Variants in XKR4 observed in about 807,000 individuals in gnomAD.
XKR4 encodes XK related 4, also known as XK-related protein 4.
A neutral mutation model predicts 53.9 loss-of-function variants in XKR4; 12 were observed. The observed-to-expected ratio is 0.22, with a 90% CI of 0.14 to 0.36. XKR4 has a LOEUF of 0.36. XKR4 is among the 10% of genes least tolerant of loss of function. The pLI is 1.00. For synonymous variants in XKR4, 354 were observed against 362.4 expected, an observed-to-expected ratio of 0.98 and a Z score of 0.26; for missense variants, 799 against 859.5, an observed-to-expected ratio of 0.93 and a Z score of 0.88.
intron 2 of XKR4, among the ~76,000 whole-genome samples, chr8:55,474,099 C>T (rs755426665): frequency 3.3e-5 from 5 of 151,990 alleles, no homozygotes; most frequent in Admixed American, 6.6e-5. Context: ...TTTATAGAGA[C>T]GTGGTCTCGC....
intron 1 of XKR4, among the ~76,000 whole-genome samples, chr8:55,317,320 A>T (rs1819492223): frequency 6.6e-6 from 1 of 152,168 alleles, no homozygotes; most frequent in Admixed American, 6.5e-5. Context: ...GAAATGATTG[A>T]TCACAGGTAA....
At chr8:55,445,916 T>G (rs1433268495) in intron 2 of XKR4, among the ~76,000 whole-genome samples, 1 of 152,240 alleles carries the variant, frequency 6.6e-6, no homozygotes, top group Non-Finnish European at 1.5e-5. Context: ...GCCAGCTGCA[T>G]AAGCCAAATC....
At chr8:55,257,447 T>TGA (rs376840800) in intron 1 of XKR4, among the ~76,000 whole-genome samples, 16 of 141,912 alleles carry the variant, frequency 1.1e-4, no homozygotes, top group Admixed American at 3.5e-4. Context: ...GGGGAGAAAA[T>TGA]GAGAGAGAGA....
intron 1 of XKR4, among the ~76,000 whole-genome samples, chr8:55,138,286 C>G (rs1439534358): frequency 2.6e-5 from 4 of 152,074 alleles, no homozygotes; most frequent in African/African-American, 9.7e-5. Flanking sequence ...CAATGGAGGC[C>G]ACAAGGCTTT....
chr8:55,185,508 A>G (rs1159677612), intron 1 of XKR4, among the ~76,000 whole-genome samples: 2 of 152,198 alleles, frequency 1.3e-5, no homozygotes, highest in African/African-American at 4.8e-5. Context: ...ACAATCCAGG[A>G]GCTAATAAAA....
chr8:55,192,211 TTAA>T (rs1817451256), intron 1 of XKR4, among the ~76,000 whole-genome samples: 6 of 143,694 alleles, frequency 4.2e-5, no homozygotes, highest in South Asian at 2.5e-4. Context: ...GTTAAGGGAC[TTAA>T]TACAATTCTT....
chr8:55,481,045 C>T (rs1806093881), intron 2 of XKR4, among the ~76,000 whole-genome samples: 4 of 152,202 alleles, frequency 2.6e-5, no homozygotes, highest in Admixed American at 2.6e-4. Context: ...TTGGAAAAAA[C>T]TACTTTCAAG....
At chr8:55,380,595 A>G (rs1804217119) in intron 2 of XKR4, among the ~76,000 whole-genome samples, 1 of 152,208 alleles carries the variant, frequency 6.6e-6, no homozygotes, top group Non-Finnish European at 1.5e-5. Context: ...GTTATTTTTA[A>G]TGTTTTCAAT....
chr8:55,500,235 G>GA (rs1233595916), intron 2 of XKR4, among the ~76,000 whole-genome samples: 1 of 148,536 alleles, frequency 6.7e-6, no homozygotes, highest in Non-Finnish European at 1.5e-5. Context: ...CAGCAACAAG[G>GA]AAAAAATAAT....
rs1457199944 is a variant in XKR4 at position 55,357,750 on chromosome 8, G to C, written c.879G>C (p.Trp293Cys). Residue 293 changes from tryptophan to cysteine, a missense_variant, in exon 2 of 3, where the codon TGG becomes TGC. By Grantham distance (215) the Trp-to-Cys change is radical (BLOSUM62 -2). Coordinates refer to ENST00000327381, the MANE Select transcript of XKR4 (RefSeq NM_052898.2). ...AGAATGACAGATGGAGGTTTTACTGGAAAATGGTATATGAGTATGCGGATG... is the reference window on the plus strand; with the variant it reads ...AGAATGACAGATGGAGGTTTTACTGCAAAATGGTATATGAGTATGCGGATG... ...SGENDRWRFY[W>C]KMVYEYADVS... 2.5e-6 allele frequency: 4 copies of C among 1,614,170 alleles called. No individual in the cohort carries two copies. In the South Asian group the frequency reaches 4.4e-5, roughly 18 times the overall value.
intron 1 of XKR4, among the ~76,000 whole-genome samples, chr8:55,275,654 T>A (rs954617971): frequency 6.6e-6 from 1 of 152,350 alleles, no homozygotes; most frequent in East Asian, 1.9e-4. Flanking sequence ...AAATACTTTT[T>A]GTTATTTCAA....
chr8:55,124,134 C>T (rs1477416082), intron 1 of XKR4, among the ~76,000 whole-genome samples: 2 of 152,288 alleles, frequency 1.3e-5, no homozygotes, highest in East Asian at 1.9e-4. Flanking sequence ...AAATGCCTCC[C>T]CTAACTTCCC....
chr8:55,277,361 T>C (rs138494055), intron 1 of XKR4, among the ~76,000 whole-genome samples: 22 of 152,382 alleles, frequency 1.4e-4, no homozygotes, highest in African/African-American at 5.0e-4. Context: ...TATATGTATA[T>C]ACACATACAA....
chr8:55,518,166 G>C (rs1806743220), intron 2 of XKR4, among the ~76,000 whole-genome samples: 1 of 152,146 alleles, frequency 6.6e-6, no homozygotes, highest in Non-Finnish European at 1.5e-5. Context: ...GCGTGCTCTG[G>C]GGATTTCCAC....
intron 1 of XKR4, among the ~76,000 whole-genome samples, chr8:55,136,928 A>G (rs7812409): frequency 0.84 from 128,264 of 152,164 alleles, 54,198 homozygotes; most frequent in East Asian, 0.95. Context: ...AAAGGCACCC[A>G]TCTTTGAGGC....
At chr8:55,408,876 G>A (rs768216968) in intron 2 of XKR4, among the ~76,000 whole-genome samples, 7 of 151,994 alleles carry the variant, frequency 4.6e-5, no homozygotes, top group African/African-American at 7.3e-5. Flanking sequence ...GCATGGTGGC[G>A]TGCGCCTGTA....
At chr8:55,395,258 G>A (rs965026882) in intron 2 of XKR4, among the ~76,000 whole-genome samples, 1 of 152,050 alleles carries the variant, frequency 6.6e-6, no homozygotes, top group African/African-American at 2.4e-5. Context: ...GAACCACTGA[G>A]GAAGATGGGG....
chr8:55,506,136 G>GT (rs939900741), intron 2 of XKR4, among the ~76,000 whole-genome samples: 8 of 152,294 alleles, frequency 5.3e-5, no homozygotes, highest in Admixed American at 2.6e-4. Flanking sequence ...CCTTTCAGAG[G>GT]TTTTTTGTGT....
At chr8:55,271,634 C>CCTGATGGCGG (rs1818692464) in intron 1 of XKR4, among the ~76,000 whole-genome samples, 1 of 152,230 alleles carries the variant, frequency 6.6e-6, no homozygotes, top group Non-Finnish European at 1.5e-5. Context: ...CCAGGTGTGC[C>CCTGATGGCGG]CTGATGGCGG....
Sources: allele counts gnomAD v4.1 joint callset (sites outside exome capture counted in the v4.1 genomes callset), GRCh38; gene constraint gnomAD v4.1.1; transcripts MANE v1.5; gene names NCBI Gene and HGNC (gene_info 2026-07-23, HGNC 2026-07-21).